The following UGT2B17 variants were observed in gnomAD, a reference collection of about 807,000 sequenced individuals.
The protein encoded by UGT2B17 is UDP glucuronosyltransferase family 2 member B17.
A neutral mutation model predicts 48.2 loss-of-function variants in UGT2B17; 21 were observed. The observed-to-expected ratio is 0.44, with a 90% confidence interval of 0.31 to 0.63. The LOEUF is 0.63. Ranked by LOEUF, UGT2B17 falls within the 20% of genes least tolerant of loss-of-function variation. UGT2B17 has a pLI of 0.08. For synonymous variants in UGT2B17, 146 were observed against 238.4 expected, an observed-to-expected ratio of 0.61 and a Z score of 3.57; for missense variants, 402 against 696.1, an observed-to-expected ratio of 0.58 and a Z score of 4.75.
At chr4:68,544,822 C>T (rs574427235) in intron 6 of UGT2B17, among the ~76,000 whole-genome samples, 2 of 125,328 alleles carry the variant, frequency 1.6e-5, no homozygotes, top group Admixed American at 1.6e-4. Context: ...AGACTTTAAA[C>T]CAGCAAAGAT....
chr4:68,537,355 G>T lies in UGT2B17; in HGVS notation c.*270C>A. Reference sequence around the variant, plus strand: ...TAAGGAAGCTCAGTAACTTTTGTGTGGGGTAACTTTTGGATTAGAATAATA... The same window carrying T: ...TAAGGAAGCTCAGTAACTTTTGTGTTGGGTAACTTTTGGATTAGAATAATA... On this transcript the variant is annotated 3_prime_UTR_variant, in exon 7 of 7. Transcript: ENST00000317746. 4.9e-6 allele frequency: 1 copy of T among 205,744 alleles called. No homozygotes were observed. Among genetic ancestry groups the T allele is most frequent in the Non-Finnish European group, 8.3e-6 (1 of 119,958 alleles). The allele number at this position is 205,744 out of a possible 1,614,324, so 12.7% of individuals were successfully genotyped here.
In UGT2B17 at chr4:68,537,651, T is replaced by G; in HGVS notation, c.1567A>C (p.Thr523Pro). ...TAATCCCTTTTCTTCTTCTTTCCTG[T>G]TTTGGCAAGCTTTCGGAAACAAAAC... ...CLFCFRKLAK[T>P]GKKKKRD is the part of the protein sequence containing the mutation. The change falls in exon 7 of 7, where the codon ACA (threonine) becomes CCA (proline). Residue 523 changes from threonine (T) to proline (P), a missense_variant. Thr to Pro is a conservative substitution (Grantham distance 38). This residue lies in a region of UGT2B17 where 156 missense variants were observed against 258.6 expected (regional missense o/e 0.60). Transcript: ENST00000317746. The G allele has an allele frequency of 7.3e-7, 1 of 1,375,124 alleles. No individual in the cohort carries two copies. The highest frequency in any genetic ancestry group is 2.0e-4 in the Middle Eastern group (1 of 5,128). The allele number at this position is 1,375,124 out of a possible 1,614,324, so 85.2% of individuals were successfully genotyped here.
At chr4:68,570,409 G>A (rs1426722232) in intron 1 of UGT2B17, among the ~76,000 whole-genome samples, 1 of 126,676 alleles carries the variant, frequency 7.9e-6, no homozygotes, top group Non-Finnish European at 1.7e-5. Flanking sequence ...TTAACTACTG[G>A]GTTTAGGTCA....
chr4:68,570,914 TTATC>T (rs1272406759), intron 1 of UGT2B17, among the ~76,000 whole-genome samples: 1 of 126,438 alleles, frequency 7.9e-6, no homozygotes, highest in Non-Finnish European at 1.7e-5. Flanking sequence ...ACTTGCCTGA[TTATC>T]TATGTGTAGA....
At chr4:68,574,482 T>C (rs1731339128) in intron 1 of UGT2B17, among the ~76,000 whole-genome samples, 1 of 127,160 alleles carries the variant, frequency 7.9e-6, no homozygotes, top group African/African-American at 2.7e-5. Context: ...AAAAAACCTG[T>C]TGCATTTTTA....
chr4:68,567,804 T>C lies in UGT2B17; in HGVS notation c.681A>G (p.Ala227=). Residue 227 remains alanine (A), a synonymous_variant, in exon 2 of 7, where the codon GCA becomes GCG. Transcript: ENST00000317746. ...YMLYFDFWFQ[A]YDLKKWDQFY... ...ACTGGTCCCACTTCTTCAGATCATA[T>C]GCTTGAAACCAAAAGTCAAAATAAA... 2 of 1,365,478 alleles carry C rather than the reference T, an allele frequency of 1.5e-6. No individual in the cohort carries two copies. The highest frequency in any genetic ancestry group is 1.9e-6 in the Non-Finnish European group (2 of 1,049,832). 84.6% of individuals were successfully genotyped at this position (1,365,478 alleles called of 1,614,324 possible).
chr4:68,543,496 GA>G lies in UGT2B17; in HGVS notation c.1314-5593del, dbSNP rs1417655852. 4.0e-5 allele frequency among the ~76,000 whole-genome samples: 5 copies of G among 124,822 alleles called. 2 individuals carry two copies. Among genetic ancestry groups the G allele is most frequent in the Admixed American group, 1.7e-4 (2 of 12,000 alleles). 81.9% of individuals were successfully genotyped at this position (124,822 alleles called of 152,430 possible). On this transcript the variant is annotated intron_variant, in intron 6 of 6. Transcript: ENST00000317746. ...CACAAAGATGGGGGAAAAAAGAGCA[GA>G]AAAACTGGAAATTATAAAATCAGAA...
rs752257645 is a variant in UGT2B17, at chr4:68,568,086, C to T, written c.399G>A (p.Leu133=). The T allele has an allele frequency of 4.3e-6, 6 of 1,382,768 alleles. 1 individual carries two copies. The Admixed American group carries it at 9.9e-5, about 23-fold the overall frequency. The allele number at this position is 1,382,768 out of a possible 1,614,324, so 85.7% of individuals were successfully genotyped here. A position where few individuals can be genotyped will look rare whatever the true frequency, so the allele number is the denominator to read the frequency against. The part of the protein sequence containing the change: ...YNIKLCEDAV[L]NKKLMRKLQE... Reference sequence around the variant, plus strand: ...GTAGTTTTCTCATAAGTTTCTTGTTCAAAACTGCATCTTCACAGAGCTTTA... The same window carrying T: ...GTAGTTTTCTCATAAGTTTCTTGTTTAAAACTGCATCTTCACAGAGCTTTA... The change falls in exon 2 of 7, where the codon TTG becomes TTA. Residue 133 remains leucine, a synonymous_variant. Coordinates refer to ENST00000317746, the MANE Select transcript of UGT2B17 (RefSeq NM_001077.4).
intron 1 of UGT2B17, among the ~76,000 whole-genome samples, chr4:68,570,345 G>A (rs1228901616): frequency 7.9e-6 from 1 of 126,776 alleles, no homozygotes; most frequent in African/African-American, 2.7e-5. Flanking sequence ...GTGTTCTTCT[G>A]TACAATGTCT....
intron 6 of UGT2B17, among the ~76,000 whole-genome samples, chr4:68,539,809 G>T (rs1730621348): frequency 1.1e-5 from 1 of 95,190 alleles, no homozygotes; most frequent in Non-Finnish European, 2.0e-5. Context: ...TTTTGAGACA[G>T]AGTCTCTCTC....
At position 68,540,808 on chromosome 4, in the gene UGT2B17, C is replaced by T. The variant is rs559055735; in HGVS notation, c.1314-2904G>A. On this transcript the variant is annotated intron_variant, in intron 6 of 6. Coordinates refer to ENST00000317746, the MANE Select transcript of UGT2B17 (RefSeq NM_001077.4). ...GATACTCTCACTCCCATTCCATGCC[C>T]CGAATGGCCCCGGTGTGTTTTGCTC... Among the ~76,000 whole-genome samples the T allele has an allele frequency of 7.2e-5, 9 of 124,392 alleles. 2 individuals are homozygous for T. The highest frequency in any genetic ancestry group is 2.2e-4 in the African/African-American group (8 of 36,400). 81.6% of individuals were successfully genotyped at this position (124,392 alleles called of 152,430 possible).
Position 68,563,408 on chromosome 4 carries a change from G to T in UGT2B17, c.873+2164C>A, listed in dbSNP as rs373845636. ...GTGGATCACCTGAGGTCAGGAGTTC[G>T]AGACCAGCCTGGCCAACATGGCGAA... On this transcript the variant is annotated intron_variant, in intron 3 of 6. Transcript: ENST00000317746. Among the ~76,000 whole-genome samples, 3 of 126,382 alleles carry T rather than the reference G, an allele frequency of 2.4e-5. 1 individual carries two copies. Among genetic ancestry groups the T allele is most frequent in the Non-Finnish European group, 5.0e-5 (3 of 59,562 alleles). The allele number at this position is 126,382 out of a possible 152,430, so 82.9% of individuals were successfully genotyped here. A position where few individuals can be genotyped will look rare whatever the true frequency, so the allele number is the denominator to read the frequency against.
At chr4:68,550,590 A>T in intron 6 of UGT2B17, 87 bp downstream of exon 6, 1 of 1,000,846 alleles carries the variant, frequency 1.0e-6, no homozygotes, top group Non-Finnish European at 1.3e-6. Context: ...CTTCAAAATT[A>T]GTCTCTTAAC....
rs1306841415 is a variant in UGT2B17 at position 68,569,103 on chromosome 4, A to G, written c.-64-555T>C. Among the ~76,000 whole-genome samples the G allele has an allele frequency of 9.5e-5, 12 of 126,008 alleles. 1 individual carries two copies. The highest frequency in any genetic ancestry group is 1.7e-4 in the Non-Finnish European group (10 of 59,394). 82.7% of individuals were successfully genotyped at this position (126,008 alleles called of 152,430 possible). A position where few individuals can be genotyped will look rare whatever the true frequency, so the allele number is the denominator to read the frequency against. ...AATAAATGAGGGTTTTCCAGTGATC[A>G]TGGCAGATGGGATGCAGGACTAGAT... On this transcript the variant is annotated intron_variant, in intron 1 of 6. Transcript: ENST00000317746.
intron 5 of UGT2B17, among the ~76,000 whole-genome samples, 182 bp from the exon 6 acceptor site, chr4:68,551,078 G>A (rs1327236060): frequency 7.9e-6 from 1 of 125,872 alleles, no homozygotes; most frequent in Non-Finnish European, 1.7e-5. Flanking sequence ...GGAAAGGTAA[G>A]TGAAGGCTAC....
chr4:68,550,943 G>A, intron 5 of UGT2B17, 47 bp from the exon 6 acceptor site: 2 of 1,295,254 alleles, frequency 1.5e-6, no homozygotes, highest in African/African-American at 1.5e-5. Context: ...TAAGGCACAG[G>A]AATTGAATAA....
In UGT2B17 at chr4:68,545,953, G is replaced by C. The variant is rs1448223371; in HGVS notation, c.1313+4724C>G. ...ATTAATAGCTTACCAACCAAAAAAA[G>C]TCCAGGACCAGATGGATTCACAGCT... On this transcript the variant is annotated intron_variant, in intron 6 of 6. Coordinates refer to ENST00000317746, the MANE Select transcript of UGT2B17 (RefSeq NM_001077.4). Among the ~76,000 whole-genome samples the C allele has an allele frequency of 2.4e-5, 3 of 125,572 alleles. 1 individual carries two copies. The highest frequency in any genetic ancestry group is 8.2e-5 in the African/African-American group (3 of 36,746). 82.4% of individuals were successfully genotyped at this position (125,572 alleles called of 152,430 possible).
rs1191819759 is a variant in UGT2B17 at position 68,550,214 on chromosome 4, A to C, written c.1313+463T>G. Among the ~76,000 whole-genome samples the C allele has an allele frequency of 1.6e-5, 2 of 124,716 alleles. 1 individual carries two copies. Among genetic ancestry groups the C allele is most frequent in the Non-Finnish European group, 3.4e-5 (2 of 59,176 alleles). 81.8% of individuals were successfully genotyped at this position (124,716 alleles called of 152,430 possible). ...GCTTCGTAACTATGTAAACATACTA[A>C]ATATATTTAGATTTTAAATTTTAGT... On this transcript the variant is annotated intron_variant, in intron 6 of 6. Transcript: ENST00000317746.
intron 6 of UGT2B17, among the ~76,000 whole-genome samples, chr4:68,541,688 C>T (rs1266819267): frequency 7.9e-6 from 1 of 126,210 alleles, no homozygotes; most frequent in Non-Finnish European, 1.7e-5. Context: ...ATTGTAATTG[C>T]TTTTGGTGTT....
Sources: gnomAD v4.1 joint callset for allele counts (sites outside exome capture counted in the v4.1 genomes callset) on GRCh38, gnomAD v4.1.1 for gene constraint, gnomAD v4.1.1 regional missense constraint, MANE v1.5 for transcripts, NCBI Gene and HGNC (gene_info 2026-07-23, HGNC 2026-07-21) for gene names.